The following ELMOD1 variants were observed in gnomAD, a reference collection of about 807,000 sequenced individuals.
The protein encoded by ELMOD1 is ELMO domain containing 1, also known as ELMO domain-containing protein 1.
ELMOD1 carries 21 observed loss-of-function variants against 46.7 expected under a neutral mutation model. The observed-to-expected ratio is 0.45, with a 90% confidence interval of 0.32 to 0.65. The LOEUF (loss-of-function observed/expected upper bound fraction) is 0.65, where lower values mean the gene tolerates loss of function less well. Among genes scored for constraint, ELMOD1 ranks in the 30% least tolerant of loss-of-function variants. ELMOD1 has a pLI of 0.04. For missense variants in ELMOD1, 348 were observed against 407.8 expected, an observed-to-expected ratio of 0.85 and a Z score of 1.26; for synonymous variants, 122 against 138.2, an observed-to-expected ratio of 0.88 and a Z score of 0.82.
intron 5 of ELMOD1, 39 bp downstream of exon 5, chr11:107,631,716 A>G (rs1326585408): frequency 1.7e-6 from 2 of 1,154,630 alleles, no homozygotes; most frequent in Non-Finnish European, 2.5e-6. Flanking sequence ...ACAGAACACA[A>G]ATCACATGGC....
At chr11:107,630,394 G>A (rs1213202333) in intron 2 of ELMOD1, 23 bp from the exon 3 acceptor site, 13 of 1,580,762 alleles carry the variant, frequency 8.2e-6, no homozygotes, top group South Asian at 1.2e-5. Context: ...TATTGGAAGG[G>A]TGCTGTGTTT....
At chr11:107,606,989 C>A (rs1275435644) in intron 1 of ELMOD1, among the ~76,000 whole-genome samples, 3 of 152,176 alleles carry the variant, frequency 2.0e-5, no homozygotes, top group Non-Finnish European at 4.4e-5. Context: ...TTTCCATATA[C>A]ATACATACTA....
chr11:107,592,221 C>T (rs966026934), intron 1 of ELMOD1: 1 of 399,898 alleles, frequency 2.5e-6, no homozygotes, highest in Non-Finnish European at 5.1e-6. Context: ...CTCACGGGCT[C>T]ACTTGCTTCA....
At chr11:107,614,925 T>A (rs1865835994) in intron 1 of ELMOD1, among the ~76,000 whole-genome samples, 1 of 152,086 alleles carries the variant, frequency 6.6e-6, no homozygotes, top group Non-Finnish European at 1.5e-5. Flanking sequence ...AACCCCTACA[T>A]CTAGGCTAAG....
At chr11:107,655,836 G>A (rs981276920) in intron 10 of ELMOD1, 97 bp from the exon 11 acceptor site, 2 of 1,312,538 alleles carry the variant, frequency 1.5e-6, no homozygotes, top group East Asian at 5.0e-5. Flanking sequence ...TTTGTACACT[G>A]TCGTGGCACT....
intron 11 of ELMOD1, among the ~76,000 whole-genome samples, chr11:107,663,030 G>T (rs926157739): frequency 1.3e-5 from 2 of 151,996 alleles, no homozygotes; most frequent in African/African-American, 4.8e-5. Flanking sequence ...TGCCTGGCAA[G>T]AAACAAGCTT....
At chr11:107,643,714 C>G in intron 6 of ELMOD1, 1 of 506,064 alleles carries the variant, frequency 2.0e-6, no homozygotes, top group Non-Finnish European at 4.0e-6. Flanking sequence ...CTTCAGGTGG[C>G]TCAAGATTTT....
intron 1 of ELMOD1, among the ~76,000 whole-genome samples, chr11:107,613,848 G>C (rs1483597701): frequency 6.6e-6 from 1 of 152,140 alleles, no homozygotes; most frequent in Non-Finnish European, 1.5e-5. Context: ...TACTTATTTA[G>C]TAATTCCTTC....
At position 107,666,729 on chromosome 11, in the gene ELMOD1, G is replaced by A. The variant is rs556383952; in HGVS notation, c.*1532G>A. 2 of 152,600 alleles carry A rather than the reference G, an allele frequency of 1.3e-5. No individual in the cohort carries two copies. The highest frequency in any genetic ancestry group is 4.2e-4 in the South Asian group (2 of 4,808). 9.5% of individuals were successfully genotyped at this position (152,600 alleles called of 1,614,324 possible). A position where few individuals can be genotyped will look rare whatever the true frequency, so the allele number is the denominator to read the frequency against. On this transcript the variant is annotated 3_prime_UTR_variant, in exon 12 of 12. Coordinates refer to ENST00000265840, the MANE Select transcript of ELMOD1 (RefSeq NM_018712.4). The stretch of plus-strand genomic sequence containing the variant: ...CTTATTTAAATGAATTTTGAGTACT[G>A]CCTAATTGTCAGTTATATGAATAAA...
intron 1 of ELMOD1, chr11:107,592,313 C>T (rs754742047): frequency 1.9e-6 from 1 of 531,898 alleles, no homozygotes; most frequent in Admixed American, 1.9e-5. Flanking sequence ...CTTTCCCCCA[C>T]CACCTAGGAA....
chr11:107,645,089 ATTTTTT>A (rs11390120), intron 6 of ELMOD1, among the ~76,000 whole-genome samples: 4,828 of 103,176 alleles, frequency 0.047, 134 homozygotes, highest in Non-Finnish European at 0.062. Flanking sequence ...TGCCTGGCTA[ATTTTTT>A]TTTTTTTTTT....
chr11:107,623,819 A>G (rs893622538), intron 2 of ELMOD1: 23 of 152,016 alleles, frequency 1.5e-4, no homozygotes, highest in African/African-American at 5.1e-4. Context: ...CACTTTTTCC[A>G]CTGCCATATC....
intron 6 of ELMOD1, among the ~76,000 whole-genome samples, chr11:107,637,733 T>C (rs1036526767): frequency 8.6e-5 from 13 of 151,844 alleles, no homozygotes; most frequent in African/African-American, 2.9e-4. Flanking sequence ...CTAAATCTTA[T>C]CCATACAGCA....
chr11:107,594,917 A>G (rs1012958192), intron 1 of ELMOD1, among the ~76,000 whole-genome samples: 2 of 152,250 alleles, frequency 1.3e-5, no homozygotes, highest in African/African-American at 4.8e-5. Context: ...ACCTAGTCAG[A>G]ATGTTCCAAA....
intron 1 of ELMOD1, among the ~76,000 whole-genome samples, chr11:107,595,774 G>A (rs1865482066): frequency 6.6e-6 from 1 of 151,916 alleles, no homozygotes; most frequent in Non-Finnish European, 1.5e-5. Context: ...TAAAATGGAA[G>A]GTATGCAAAT....
intron 1 of ELMOD1, among the ~76,000 whole-genome samples, chr11:107,602,073 T>A (rs1265939554): frequency 6.6e-6 from 1 of 152,212 alleles, no homozygotes; most frequent in Non-Finnish European, 1.5e-5. Flanking sequence ...ACATGGAAGG[T>A]CTTGTATGTC....
At position 107,630,699 on chromosome 11, in the gene ELMOD1, G is replaced by T; in HGVS notation, c.164-1G>T. On this transcript the variant is annotated splice_acceptor_variant, in intron 3 of 11. Transcript: ENST00000265840. LOFTEE classifies it high-confidence loss of function. ...GACTGTTTTTGTTGCTGCTTTCACA[G>T]AAACATCACTGAGGGATTCTAAAAG... is the stretch of plus-strand genomic sequence containing the variant. The T allele has an allele frequency of 6.2e-7, 1 of 1,608,320 alleles. No homozygotes were observed. Among genetic ancestry groups the T allele is most frequent in the African/African-American group, 1.3e-5 (1 of 74,986 alleles).
chr11:107,602,469 C>A (rs1022248835), intron 1 of ELMOD1, among the ~76,000 whole-genome samples: 4 of 152,058 alleles, frequency 2.6e-5, no homozygotes, highest in East Asian at 1.9e-4. Flanking sequence ...GATGTTGAAC[C>A]TTTTTCTCAC....
At chr11:107,591,570 C>T (rs1865391587) in intron 1 of ELMOD1, among the ~76,000 whole-genome samples, 161 bp downstream of exon 1, 3 of 152,220 alleles carry the variant, frequency 2.0e-5, no homozygotes, top group African/African-American at 7.2e-5. Context: ...AATGAAAGTG[C>T]ACTCTGCCTT....
Sources: allele counts gnomAD v4.1 joint callset (sites outside exome capture counted in the v4.1 genomes callset), GRCh38; gene constraint gnomAD v4.1.1; transcripts MANE v1.5; gene names NCBI Gene and HGNC (gene_info 2026-07-23, HGNC 2026-07-21).